Variants in ANKRD33B observed in about 807,000 individuals in gnomAD.
ANKRD33B encodes the protein ankyrin repeat domain 33B, also known as ankyrin repeat domain-containing protein 33B.
ANKRD33B carries 6 observed loss-of-function variants against 21.5 expected under a neutral mutation model. The observed-to-expected ratio is 0.28, with a 90% CI of 0.15 to 0.55. The LOEUF (loss-of-function observed/expected upper bound fraction) is 0.55, where lower values mean the gene tolerates loss of function less well. ANKRD33B is among the 20% of genes least tolerant of loss of function. ANKRD33B has a pLI of 0.94. For missense variants in ANKRD33B, 698 were observed against 747.2 expected, an observed-to-expected ratio of 0.93 and a Z score of 0.77; for synonymous variants, 347 against 342.4, an observed-to-expected ratio of 1.01 and a Z score of -0.15.
rs1009494300 is a variant in ANKRD33B at position 10,633,971 on chromosome 5, C to T, written c.497-4057C>T. Among the ~76,000 whole-genome samples, 11 of 152,266 alleles carry T rather than the reference C, an allele frequency of 7.2e-5. 1 individual carries two copies. The highest frequency in any genetic ancestry group is 2.6e-4 in the African/African-American group (11 of 41,550). Reference sequence around the variant, plus strand: ...ACAGGAAGTCAGTGCACGCAGCCCGCGGGTTAAGGAGGGGGGAACACGTTC... The same window carrying T: ...ACAGGAAGTCAGTGCACGCAGCCCGTGGGTTAAGGAGGGGGGAACACGTTC... On this transcript the variant is annotated intron_variant, in intron 2 of 3. Coordinates refer to ENST00000296657, the MANE Select transcript of ANKRD33B (RefSeq NM_001164440.2).
At chr5:10,565,152 G>A (rs1162997730) in intron 1 of ANKRD33B, among the ~76,000 whole-genome samples, 1 of 152,210 alleles carries the variant, frequency 6.6e-6, no homozygotes, top group South Asian at 2.1e-4. Flanking sequence ...CTGGCTGCCC[G>A]TGCTGCAATC....
chr5:10,573,973 A>G (rs1579709917), intron 1 of ANKRD33B, among the ~76,000 whole-genome samples: 1 of 151,978 alleles, frequency 6.6e-6, no homozygotes, highest in South Asian at 2.1e-4. Context: ...ACACCATCAT[A>G]CCCCTCCACT....
intron 3 of ANKRD33B, among the ~76,000 whole-genome samples, chr5:10,641,329 A>C (rs1737056053): frequency 6.7e-6 from 1 of 149,926 alleles, no homozygotes; most frequent in Admixed American, 6.7e-5. Flanking sequence ...CCCGGGTTCA[A>C]GCGATTCTCC....
chr5:10,607,163 G>A lies in ANKRD33B; in HGVS notation c.367-11170G>A, dbSNP rs188120126. 2.1e-4 allele frequency among the ~76,000 whole-genome samples: 32 copies of A among 152,070 alleles called. No individual in the cohort carries two copies. The East Asian group carries it at 4.8e-3, about 23-fold the overall frequency. ...TAGATGATGTATGCTACTGTTACAC[G>A]CACACACACACACTCAGAATAGACT... On this transcript the variant is annotated intron_variant, in intron 1 of 3. Coordinates refer to ENST00000296657, the MANE Select transcript of ANKRD33B (RefSeq NM_001164440.2).
At position 10,565,254 on chromosome 5, in the gene ANKRD33B, C is replaced by T. The variant is rs368290192; in HGVS notation, c.366+421C>T. On this transcript the variant is annotated intron_variant, in intron 1 of 3. Transcript: ENST00000296657. ...ACCATTCCTCCTCCCCTGCAGGAGA[C>T]AGCCCCTCCTGCCCAGCGCCCCATT... 7.9e-5 allele frequency among the ~76,000 whole-genome samples: 12 copies of T among 152,344 alleles called. No homozygotes were observed. The East Asian group carries it at 1.2e-3, about 15-fold the overall frequency.
At position 10,654,390 on chromosome 5, in the gene ANKRD33B, AG is replaced by A. The variant is rs898742590; in HGVS notation, c.*4279del. On this transcript the variant is annotated 3_prime_UTR_variant, in exon 4 of 4. Coordinates refer to ENST00000296657, the MANE Select transcript of ANKRD33B (RefSeq NM_001164440.2). ...TGTAGATAGTGAATTTCAAGTTGAC[AG>A]GTACCTTCTCAGGGATTTATATATA... 2.0e-5 allele frequency: 3 copies of A among 152,392 alleles called. No homozygotes were observed. Among genetic ancestry groups the A allele is most frequent in the Non-Finnish European group, 4.4e-5 (3 of 68,040 alleles). The allele number at this position is 152,392 out of a possible 1,614,324, so 9.4% of individuals were successfully genotyped here. A position where few individuals can be genotyped will look rare whatever the true frequency, so the allele number is the denominator to read the frequency against.
At chr5:10,641,039 A>G (rs1737042082) in intron 3 of ANKRD33B, among the ~76,000 whole-genome samples, 1 of 152,076 alleles carries the variant, frequency 6.6e-6, no homozygotes, top group African/African-American at 2.4e-5. Context: ...CAGCATAGGA[A>G]TTTTGGAGGG....
chr5:10,584,994 C>T (rs1735524125), intron 1 of ANKRD33B, among the ~76,000 whole-genome samples: 1 of 152,128 alleles, frequency 6.6e-6, no homozygotes, highest in South Asian at 2.1e-4. Context: ...GGTGGTAGAG[C>T]TGGAATGTTC....
chr5:10,610,126 C>A (rs181316195), intron 1 of ANKRD33B, among the ~76,000 whole-genome samples: 1 of 152,168 alleles, frequency 6.6e-6, no homozygotes, highest in East Asian at 1.9e-4. Flanking sequence ...GGTGAAAATG[C>A]AAAGGTATTG....
intron 2 of ANKRD33B, among the ~76,000 whole-genome samples, chr5:10,620,162 C>T (rs879143): frequency 0.21 from 32,557 of 151,766 alleles, 4,507 homozygotes; most frequent in Admixed American, 0.41. Flanking sequence ...ATCCCAGGGG[C>T]GTAGCAGAGG....
chr5:10,632,048 A>G (rs967408463), intron 2 of ANKRD33B, among the ~76,000 whole-genome samples: 2 of 152,104 alleles, frequency 1.3e-5, no homozygotes, highest in African/African-American at 2.4e-5. Flanking sequence ...AACGAGGCGC[A>G]TTGCCCTTCC....
chr5:10,567,589 T>C (rs2126541500), intron 1 of ANKRD33B, among the ~76,000 whole-genome samples: 1 of 152,354 alleles, frequency 6.6e-6, no homozygotes, highest in South Asian at 2.1e-4. Flanking sequence ...GCACCTTCCC[T>C]GGGAGGCTTT....
Position 10,650,138 on chromosome 5 carries a change from C to T in ANKRD33B, c.*25C>T, listed in dbSNP as rs1737309382. The T allele has an allele frequency of 2.1e-6, 3 of 1,452,518 alleles. No individual in the cohort carries two copies. Among genetic ancestry groups the T allele is most frequent in the South Asian group, 2.7e-5 (2 of 75,424 alleles). 90.0% of individuals were successfully genotyped at this position (1,452,518 alleles called of 1,614,324 possible). On this transcript the variant is annotated 3_prime_UTR_variant, in exon 4 of 4. Transcript: ENST00000296657. ...AGGGCCCGTGTGCCTGGCGCTGGGG[C>T]CGGGGCTGGGGCCGGGGCGGGGCCG...
At chr5:10,565,072 C>A (rs1013580618) in intron 1 of ANKRD33B, among the ~76,000 whole-genome samples, 7 of 152,366 alleles carry the variant, frequency 4.6e-5, no homozygotes, top group Non-Finnish European at 1.0e-4. Flanking sequence ...GGCAGAAACG[C>A]CAGTCCGGCG....
chr5:10,593,949 C>T (rs13185308), intron 1 of ANKRD33B, among the ~76,000 whole-genome samples: 59,030 of 151,938 alleles, frequency 0.39, 11,803 homozygotes, highest in Admixed American at 0.53. Context: ...ATTCTGGTCC[C>T]GTGGCAAGGC....
At chr5:10,636,998 C>G (rs1266643521) in intron 2 of ANKRD33B, among the ~76,000 whole-genome samples, 1 of 152,210 alleles carries the variant, frequency 6.6e-6, no homozygotes, top group Non-Finnish European at 1.5e-5. Context: ...CTGCAGTGCA[C>G]AGGGCAGTCC....
chr5:10,651,125 G>A lies in ANKRD33B; in HGVS notation c.*1012G>A, dbSNP rs1737348196. The A allele has an allele frequency of 6.6e-6, 1 of 152,376 alleles. No individual in the cohort carries two copies. The highest frequency in any genetic ancestry group is 2.4e-5 in the African/African-American group (1 of 41,456). 9.4% of individuals were successfully genotyped at this position (152,376 alleles called of 1,614,324 possible). A position where few individuals can be genotyped will look rare whatever the true frequency, so the allele number is the denominator to read the frequency against. ...TGGGGAGGAGGTGATTTTTAGAAGAGGTGAGAGAATGGAATGGGGAACAGA... is the reference window on the plus strand; with the variant it reads ...TGGGGAGGAGGTGATTTTTAGAAGAAGTGAGAGAATGGAATGGGGAACAGA... On this transcript the variant is annotated 3_prime_UTR_variant, in exon 4 of 4. Coordinates refer to ENST00000296657, the MANE Select transcript of ANKRD33B (RefSeq NM_001164440.2).
At chr5:10,609,393 A>T (rs1409929489) in intron 1 of ANKRD33B, among the ~76,000 whole-genome samples, 1 of 151,868 alleles carries the variant, frequency 6.6e-6, no homozygotes, top group Non-Finnish European at 1.5e-5. Context: ...TCTCTACAAA[A>T]ATACAAAAAT....
chr5:10,596,470 C>G (rs1282045018), intron 1 of ANKRD33B, among the ~76,000 whole-genome samples: 1 of 152,196 alleles, frequency 6.6e-6, no homozygotes, highest in African/African-American at 2.4e-5. Flanking sequence ...CCTTCCAGCA[C>G]CATCCATGTT....
Sources: allele counts gnomAD v4.1 joint callset (sites outside exome capture counted in the v4.1 genomes callset), GRCh38; gene constraint gnomAD v4.1.1; transcripts MANE v1.5; gene names NCBI Gene and HGNC (gene_info 2026-07-23, HGNC 2026-07-21).